The following RELL1 variants were observed in gnomAD, a reference collection of about 807,000 sequenced individuals.
RELL1 encodes RELT-like protein 1.
In RELL1, 10 loss-of-function variants were observed where a neutral mutation model predicts 23.0. The ratio of observed to expected loss-of-function variants is 0.43; its 90% CI spans 0.27 to 0.74. RELL1 has a LOEUF of 0.74. Ranked by LOEUF, RELL1 falls within the 30% of genes least tolerant of loss-of-function variation. The pLI is 0.19. For synonymous variants in RELL1, 146 were observed against 146.8 expected (o/e 0.99, Z 0.04); for missense variants, 315 against 364.4 (o/e 0.86, Z 1.10).
intron 3 of RELL1, among the ~76,000 whole-genome samples, chr4:37,639,315 C>T (rs11945688): frequency 0.091 from 12,631 of 138,756 alleles, 807 homozygotes; most frequent in African/African-American, 0.2. Context: ...ACCCAGGAGG[C>T]GAAGCTTACA....
rs1271805382 is a variant in RELL1 at position 37,612,144 on chromosome 4, T to G, written c.*1202A>C. On this transcript the variant is annotated 3_prime_UTR_variant, in exon 7 of 7. Transcript: ENST00000454158. ...GTGAGCTGAGATCGTGCCACTGCACTCCAGCCTGGGCGACAGAGCGAGACT... is the reference window on the plus strand; with the variant it reads ...GTGAGCTGAGATCGTGCCACTGCACGCCAGCCTGGGCGACAGAGCGAGACT... Among the ~76,000 whole-genome samples, 1 of 119,804 alleles carries G rather than the reference T, an allele frequency of 8.3e-6. No homozygotes were observed. Among genetic ancestry groups the G allele is most frequent in the Non-Finnish European group, 1.6e-5 (1 of 62,838 alleles). 78.6% of individuals were successfully genotyped at this position (119,804 alleles called of 152,430 possible).
chr4:37,589,963 C>A, downstream of RELL1: 1 of 780,842 alleles, frequency 1.3e-6, no homozygotes, highest in Non-Finnish European at 2.1e-6. Flanking sequence ...TTTAGACATA[C>A]TTATCTAGGT....
chr4:37,618,997 A>G (rs1345918063), intron 6 of RELL1, among the ~76,000 whole-genome samples: 2 of 152,042 alleles, frequency 1.3e-5, no homozygotes, highest in African/African-American at 2.4e-5. Flanking sequence ...CTCCTGCCTC[A>G]GCATCCCGAG....
intron 4 of RELL1, among the ~76,000 whole-genome samples, chr4:37,636,576 C>T (rs551100796): frequency 8.4e-6 from 1 of 118,846 alleles, no homozygotes; most frequent in African/African-American, 3.3e-5. Flanking sequence ...GCCTGGGTGA[C>T]AAAGCAAGAC....
intron 1 of RELL1, among the ~76,000 whole-genome samples, chr4:37,671,984 T>C (rs1721850753): frequency 6.6e-6 from 1 of 152,066 alleles, no homozygotes; most frequent in Non-Finnish European, 1.5e-5. Flanking sequence ...TAGGGCAAGG[T>C]ATGGTTGGGG....
At chr4:37,662,683 C>CTCCA in intron 1 of RELL1, among the ~76,000 whole-genome samples, 1 of 152,180 alleles carries the variant, frequency 6.6e-6, no homozygotes, top group East Asian at 1.9e-4. Context: ...CCCTAGCCTA[C>CTCCA]TCCACACTGT....
At chr4:37,601,427 C>T (rs2109486766) in intron 6 of RELL1, among the ~76,000 whole-genome samples, 1 of 152,288 alleles carries the variant, frequency 6.6e-6, no homozygotes, top group South Asian at 2.1e-4. Context: ...CTCACAACCA[C>T]CCTAAAAGGC....
intron 6 of RELL1, among the ~76,000 whole-genome samples, chr4:37,595,997 A>G (rs190263452): frequency 2.4e-4 from 36 of 152,288 alleles, no homozygotes; most frequent in Admixed American, 1.4e-3. Flanking sequence ...TGATGGGGGA[A>G]AAAAGGTGCG....
intron 1 of RELL1, among the ~76,000 whole-genome samples, chr4:37,662,578 TAA>T (rs11333339): frequency 5.2e-4 from 72 of 138,834 alleles, no homozygotes; most frequent in African/African-American, 1.2e-3. Context: ...AGAAACATCT[TAA>T]AAAAAAAAAA....
chr4:37,651,073 A>ATT (rs1577590512), intron 1 of RELL1, among the ~76,000 whole-genome samples: 1 of 133,182 alleles, frequency 7.5e-6, no homozygotes, highest in African/African-American at 2.8e-5. Flanking sequence ...AAAAAAAAAA[A>ATT]AAATTAAATT....
intron 6 of RELL1, chr4:37,623,170 A>G (rs964096244): frequency 8.0e-6 from 2 of 250,116 alleles, no homozygotes; most frequent in Admixed American, 5.2e-5. Flanking sequence ...GCTGCTCTGG[A>G]GTCTGCAAGT....
chr4:37,610,072 G>A (rs1364036168), downstream of RELL1, among the ~76,000 whole-genome samples: 1 of 152,164 alleles, frequency 6.6e-6, no homozygotes, highest in Non-Finnish European at 1.5e-5. This position sits in a 1 kb window ranked among gnomAD's most constrained non-coding sequence, Gnocchi z 4.1. Flanking sequence ...CATGAAAGGT[G>A]AGGTCAATCA....
intron 1 of RELL1, among the ~76,000 whole-genome samples, chr4:37,670,478 T>C (rs1056983354): frequency 6.6e-6 from 1 of 152,204 alleles, no homozygotes; most frequent in Non-Finnish European, 1.5e-5. Context: ...GAAAACCATA[T>C]AGTAGTATAA....
chr4:37,653,902 TA>T (rs1721035510), intron 1 of RELL1, among the ~76,000 whole-genome samples: 1 of 152,200 alleles, frequency 6.6e-6, no homozygotes, highest in Non-Finnish European at 1.5e-5. Context: ...GTAGATCCTA[TA>T]GTCCCAACTG....
intron 2 of RELL1, among the ~76,000 whole-genome samples, chr4:37,649,035 C>T (rs1486522434): frequency 1.2e-4 from 18 of 152,200 alleles, no homozygotes. Flanking sequence ...AGATTCAGAG[C>T]ACACAATAAC....
intron 1 of RELL1, among the ~76,000 whole-genome samples, chr4:37,669,907 C>G (rs1002667129): frequency 2.0e-5 from 3 of 151,596 alleles, no homozygotes; most frequent in Non-Finnish European, 4.4e-5. Context: ...ATGCGGAAGG[C>G]CGCAGGGTCC....
At chr4:37,642,236 A>G (rs1720555405) in intron 3 of RELL1, among the ~76,000 whole-genome samples, 2 of 152,334 alleles carry the variant, frequency 1.3e-5, no homozygotes, top group South Asian at 4.1e-4. Flanking sequence ...AAACTTCACA[A>G]AGGCATCTCT....
At chr4:37,682,840 T>G (rs1410561240) in intron 1 of RELL1, among the ~76,000 whole-genome samples, 1 of 152,220 alleles carries the variant, frequency 6.6e-6, no homozygotes, top group African/African-American at 2.4e-5. Context: ...CAATGCATTT[T>G]TCATCTCACC....
chr4:37,648,448 A>G (rs1720783882), intron 2 of RELL1, among the ~76,000 whole-genome samples: 1 of 152,224 alleles, frequency 6.6e-6, no homozygotes, highest in South Asian at 2.1e-4. Flanking sequence ...GACCTACTCC[A>G]ATGTCACCTT....
Sources: allele counts gnomAD v4.1 joint callset (sites outside exome capture counted in the v4.1 genomes callset), GRCh38; gene constraint gnomAD v4.1.1; non-coding constraint Gnocchi (gnomAD v3.1); transcripts MANE v1.5; gene names NCBI Gene and HGNC (gene_info 2026-07-23, HGNC 2026-07-21).